The following HHLA1 variants were observed in gnomAD, a reference collection of about 807,000 sequenced individuals.
The protein encoded by HHLA1 is HHLA1 neighbor of OC90.
HHLA1 carries 72 observed loss-of-function variants against 69.9 expected under a neutral mutation model. The ratio of observed to expected loss-of-function variants is 1.03; its 90% CI spans 0.85 to 1.25. The LOEUF (loss-of-function observed/expected upper bound fraction) is 1.25, where lower values mean the gene tolerates loss of function less well. Among genes scored for constraint, HHLA1 ranks in the 50% most tolerant of loss-of-function variants. The pLI, the probability that HHLA1 is intolerant of heterozygous loss-of-function variation, is 0.00. For synonymous variants in HHLA1, 252 were observed against 233.2 expected, an observed-to-expected ratio of 1.08 and a Z score of -0.73; for missense variants, 685 against 642.2, an observed-to-expected ratio of 1.07 and a Z score of -0.72.
chr8:132,105,728 T>C (rs1824193554), intron 1 of HHLA1, among the ~76,000 whole-genome samples: 2 of 152,214 alleles, frequency 1.3e-5, no homozygotes, highest in Admixed American at 1.3e-4. Context: ...TATATGACCC[T>C]GCATTATTGC....
chr8:132,099,125 C>T (rs1824074132), intron 4 of HHLA1, among the ~76,000 whole-genome samples, 163 bp from the exon 5 acceptor site: 1 of 152,308 alleles, frequency 6.6e-6, no homozygotes, highest in African/African-American at 2.4e-5. Flanking sequence ...AGAGGAGGGT[C>T]TCGACCTCAG....
Position 132,089,593 on chromosome 8 carries a change from G to C in HHLA1, c.455C>G (p.Thr152Arg). ...NNRTNDLSDF[T>R]ALLVDIIGNS... ...GCCGATGATATCTACCAGTAGAGCT[G>C]TAAAATCTGCAAGACAAATTTAGGA... The change falls in exon 8 of 17, where the codon ACA becomes AGA. Residue 152 changes from threonine (T) to arginine (R), a missense_variant. Transcript: ENST00000414222. 1 of 1,474,566 alleles carries C rather than the reference G, an allele frequency of 6.8e-7. No homozygotes were observed. The highest frequency in any genetic ancestry group is 9.3e-7 in the Non-Finnish European group (1 of 1,076,480). The allele number at this position is 1,474,566 out of a possible 1,614,324, so 91.3% of individuals were successfully genotyped here. A position where few individuals can be genotyped will look rare whatever the true frequency, so the allele number is the denominator to read the frequency against.
chr8:132,092,764 T>C (rs988616155), intron 7 of HHLA1, among the ~76,000 whole-genome samples: 3 of 152,180 alleles, frequency 2.0e-5, no homozygotes, highest in African/African-American at 7.2e-5. Context: ...CAGTTTCAGG[T>C]ATTTCTTTAT....
At chr8:132,099,055 C>A (rs1164038364) in intron 4 of HHLA1, 93 bp from the exon 5 acceptor site, 2 of 976,470 alleles carry the variant, frequency 2.0e-6, no homozygotes, top group Admixed American at 2.4e-5. Context: ...TATTCAACTT[C>A]TTTGCACATG....
chr8:132,075,066 A>T (rs1823612408), intron 14 of HHLA1, among the ~76,000 whole-genome samples: 1 of 152,216 alleles, frequency 6.6e-6, no homozygotes, highest in Admixed American at 6.5e-5. Context: ...AACAGCCTCC[A>T]TCTGCACCAC....
intron 15 of HHLA1, among the ~76,000 whole-genome samples, chr8:132,067,210 G>A (rs1402639337): frequency 2.0e-5 from 3 of 152,134 alleles, no homozygotes; most frequent in Non-Finnish European, 4.4e-5. Flanking sequence ...AGCCGCTCCT[G>A]GAAATATTGC....
intron 8 of HHLA1, among the ~76,000 whole-genome samples, chr8:132,088,826 A>G (rs1769074496): frequency 6.6e-6 from 1 of 152,226 alleles, no homozygotes; most frequent in South Asian, 2.1e-4. Context: ...GGATAAATAT[A>G]GTAGCTGCCC....
Position 132,095,579 on chromosome 8 carries a change from G to T in HHLA1, c.388C>A (p.Pro130Thr), listed in dbSNP as rs1443073251. Residue 130 changes from proline (P) to threonine (T), a missense_variant, in exon 7 of 17, where the codon CCC becomes ACC. Physicochemically the swap from Pro to Thr is conservative, Grantham distance 38 (BLOSUM62 -1). Coordinates refer to ENST00000414222, the MANE Select transcript of HHLA1 (RefSeq NM_001145095.3). Reference protein sequence around the residue: ...YNISNLKTVDPAKFPTRYCYC... With the variant: ...YNISNLKTVDTAKFPTRYCYC... ...CAATACCTTGTGGGGAATTTGGCGG[G>T]GTCTACTGTCTTCAGGTTAGAAACT... 1.3e-6 allele frequency: 2 copies of T among 1,549,430 alleles called. No homozygotes were observed. Among genetic ancestry groups the T allele is most frequent in the East Asian group, 2.4e-5 (1 of 40,910 alleles).
intron 1 of HHLA1, among the ~76,000 whole-genome samples, chr8:132,110,599 A>C (rs1460146745): frequency 6.6e-6 from 1 of 152,226 alleles, no homozygotes; most frequent in Non-Finnish European, 1.5e-5. Context: ...TAGGAAACCA[A>C]GCCTCAGACA....
Position 132,077,866 on chromosome 8 carries a change from C to T in HHLA1, c.1031G>A (p.Gly344Glu). 6.4e-7 allele frequency: 1 copy of T among 1,551,530 alleles called. No homozygotes were observed. The highest frequency in any genetic ancestry group is 8.7e-7 in the Non-Finnish European group (1 of 1,146,974). Residue 344 changes from glycine to glutamate, a missense_variant, in exon 12 of 17, where the codon GGA becomes GAA. Coordinates refer to ENST00000414222, the MANE Select transcript of HHLA1 (RefSeq NM_001145095.3). ...WAQTISEKKP[G>E]GSLWETRSSP... is the part of the protein sequence containing the mutation. The stretch of plus-strand genomic sequence containing the variant: ...AGAACGAGTTTCCCAGAGAGACCCT[C>T]CAGGTTTTTTCTCACTGATGGTCTG...
rs1299815993 is a variant in HHLA1, at chr8:132,082,330, T to C, written c.677-2364A>G. Among the ~76,000 whole-genome samples the C allele has an allele frequency of 3.3e-5, 5 of 152,092 alleles. No individual in the cohort carries two copies. In the South Asian group the frequency reaches 8.3e-4, roughly 25 times the overall value. On this transcript the variant is annotated intron_variant, in intron 10 of 16. Coordinates refer to ENST00000414222, the MANE Select transcript of HHLA1 (RefSeq NM_001145095.3). ...CAGCAGCAGCCGCTGCACGCAGACATGAGGGCTAGGCTAAAACAGTAAGGT... is the reference window on the plus strand; with the variant it reads ...CAGCAGCAGCCGCTGCACGCAGACACGAGGGCTAGGCTAAAACAGTAAGGT...
intron 7 of HHLA1, among the ~76,000 whole-genome samples, chr8:132,093,000 T>C (rs73710824): frequency 0.049 from 7,413 of 152,318 alleles, 343 homozygotes; most frequent in African/African-American, 0.13. Context: ...AATTAACTTC[T>C]ACCTTCTTTA....
intron 7 of HHLA1, among the ~76,000 whole-genome samples, chr8:132,094,351 T>G (rs926200561): frequency 6.6e-6 from 1 of 152,224 alleles, no homozygotes; most frequent in African/African-American, 2.4e-5. Context: ...GGCTTCCTTC[T>G]TATTCCGGGT....
chr8:132,074,916 G>A (rs911714513), intron 14 of HHLA1, among the ~76,000 whole-genome samples: 12 of 152,088 alleles, frequency 7.9e-5, no homozygotes, highest in African/African-American at 2.9e-4. Context: ...GAGCTAACAA[G>A]AGAGACAGAT....
intron 1 of HHLA1, 64 bp from the exon 2 acceptor site, chr8:132,105,350 C>T (rs1824186340): frequency 1.1e-5 from 11 of 1,020,270 alleles, no homozygotes; most frequent in Admixed American, 4.0e-5. Context: ...CCTTTGAGAA[C>T]AGTGCGTGAG....
At chr8:132,090,900 A>G (rs1488259950) in intron 7 of HHLA1, among the ~76,000 whole-genome samples, 2 of 151,868 alleles carry the variant, frequency 1.3e-5, no homozygotes, top group Non-Finnish European at 2.9e-5. Flanking sequence ...CTGGGACTAC[A>G]GGCGCCCGCC....
rs1282149292 is a variant in HHLA1 at position 132,100,071 on chromosome 8, T to G, written c.199+4A>C. On this transcript the variant is annotated splice_donor_region_variant and intron_variant, in intron 4 of 16. Coordinates refer to ENST00000414222, the MANE Select transcript of HHLA1 (RefSeq NM_001145095.3). Reference sequence around the variant, plus strand: ...CCCAAGGGATTTGGGGGAGCGGCACTCACCCGTCGTAGCAAGAAATGCCAC... The same window carrying G: ...CCCAAGGGATTTGGGGGAGCGGCACGCACCCGTCGTAGCAAGAAATGCCAC... 1 of 1,550,994 alleles carries G rather than the reference T, an allele frequency of 6.4e-7. No homozygotes were observed. The highest frequency in any genetic ancestry group is 1.4e-5 in the African/African-American group (1 of 73,046).
chr8:132,082,226 A>G (rs577002645), intron 10 of HHLA1, among the ~76,000 whole-genome samples: 17 of 152,346 alleles, frequency 1.1e-4, no homozygotes, highest in African/African-American at 3.6e-4. Context: ...GGAAGAAAAT[A>G]GATTTTGGAA....
chr8:132,074,852 T>G (rs1417128322), intron 14 of HHLA1, among the ~76,000 whole-genome samples: 3 of 151,644 alleles, frequency 2.0e-5, no homozygotes, highest in Admixed American at 6.6e-5. Flanking sequence ...GACAGATGAG[T>G]GGGTAGGTTA....
Sources: allele counts gnomAD v4.1 joint callset (sites outside exome capture counted in the v4.1 genomes callset), GRCh38; gene constraint gnomAD v4.1.1; transcripts MANE v1.5; gene names NCBI Gene and HGNC (gene_info 2026-07-23, HGNC 2026-07-21).